SH3GL3: variants seen among roughly 807,000 people sequenced by gnomAD.
The protein encoded by SH3GL3 is endophilin-A3.
SH3GL3 carries 33 observed loss-of-function variants against 47.7 expected under a neutral mutation model. The observed-to-expected ratio is 0.69, with a 90% CI of 0.52 to 0.92. The LOEUF (loss-of-function observed/expected upper bound fraction) is 0.92. Ranked by LOEUF, SH3GL3 falls within the 40% of genes least tolerant of loss-of-function variation. SH3GL3 has a pLI of 0.00. For missense variants in SH3GL3, 363 were observed against 417.8 expected, an observed-to-expected ratio of 0.87 and a Z score of 1.14; for synonymous variants, 155 against 148.8, an observed-to-expected ratio of 1.04 and a Z score of -0.30.
intron 2 of SH3GL3, among the ~76,000 whole-genome samples, chr15:83,562,210 A>G (rs974478231): frequency 3.9e-5 from 6 of 151,996 alleles, no homozygotes; most frequent in African/African-American, 1.5e-4. Context: ...TTACTCTTCA[A>G]TTTGTAAAGG....
chr15:83,630,669 C>T, the SH3GL3 span, among the ~76,000 whole-genome samples: 1 of 152,124 alleles, frequency 6.6e-6, no homozygotes, highest in African/African-American at 2.4e-5. Context: ...CCTGTGAGAA[C>T]TCACCATCAT....
intron 6 of SH3GL3, 49 bp from the exon 7 acceptor site, chr15:83,586,934 A>G (rs1397223121): frequency 1.0e-6 from 1 of 995,214 alleles, no homozygotes; most frequent in African/African-American, 1.6e-5. Context: ...CTCTCTGGAC[A>G]TTACACAGGC....
chr15:83,595,824 G>C (rs1370402088), intron 8 of SH3GL3, among the ~76,000 whole-genome samples: 19 of 152,036 alleles, frequency 1.2e-4, no homozygotes, highest in Admixed American at 1.2e-3. Flanking sequence ...AAGATATATA[G>C]AATTTGTAGT....
At chr15:83,479,190 A>G (rs1182690457) in intron 1 of SH3GL3, among the ~76,000 whole-genome samples, 1 of 152,226 alleles carries the variant, frequency 6.6e-6, no homozygotes, top group South Asian at 2.1e-4. Flanking sequence ...TGAAGGGGGA[A>G]TCCCCTGTTG....
chr15:83,466,807 GTTGAATAGCT>G (rs749318738), intron 1 of SH3GL3, among the ~76,000 whole-genome samples: 2 of 152,182 alleles, frequency 1.3e-5, no homozygotes, highest in Non-Finnish European at 2.9e-5. Flanking sequence ...TGCTTGTGAT[GTTGAATAGCT>G]TTGCATATGC....
At chr15:83,450,576 A>C (rs756735273) in intron 1 of SH3GL3, among the ~76,000 whole-genome samples, 1 of 152,132 alleles carries the variant, frequency 6.6e-6, no homozygotes, top group Non-Finnish European at 1.5e-5. Context: ...GGGATTATGC[A>C]TCATTTTGGC....
At chr15:83,556,202 CA>C (rs57872545) in intron 1 of SH3GL3, among the ~76,000 whole-genome samples, 5,091 of 152,270 alleles carry the variant, frequency 0.033, 280 homozygotes, top group African/African-American at 0.12. Context: ...CTTTCTATCC[CA>C]AGTACCAGTC....
At chr15:83,450,568 G>A (rs1374596970) in intron 1 of SH3GL3, among the ~76,000 whole-genome samples, 1 of 152,004 alleles carries the variant, frequency 6.6e-6, no homozygotes, top group African/African-American at 2.4e-5. Context: ...AAACCCTGGG[G>A]ATTATGCATC....
At chr15:83,586,431 T>G (rs1044756978) in intron 6 of SH3GL3, among the ~76,000 whole-genome samples, 4 of 152,200 alleles carry the variant, frequency 2.6e-5, no homozygotes, top group African/African-American at 9.7e-5. Flanking sequence ...AGGGAAAATA[T>G]GTTGAGTGGA....
intron 1 of SH3GL3, among the ~76,000 whole-genome samples, chr15:83,466,835 C>G (rs1439035019): frequency 3.3e-5 from 5 of 152,168 alleles, no homozygotes; most frequent in Non-Finnish European, 7.3e-5. Context: ...TGCTTATTGG[C>G]TTTAAGTATC....
At chr15:83,491,281 A>G (rs1196486016) in intron 1 of SH3GL3, among the ~76,000 whole-genome samples, 1 of 152,230 alleles carries the variant, frequency 6.6e-6, no homozygotes, top group Non-Finnish European at 1.5e-5. Flanking sequence ...AAATTAACCA[A>G]AATGCAATGA....
intron 1 of SH3GL3, among the ~76,000 whole-genome samples, chr15:83,547,948 T>C (rs2044485231): frequency 6.6e-6 from 1 of 152,008 alleles, no homozygotes; most frequent in Non-Finnish European, 1.5e-5. Flanking sequence ...TTGCCTTCTT[T>C]TGGATTAATC....
intron 1 of SH3GL3, among the ~76,000 whole-genome samples, chr15:83,513,130 G>A (rs972327574): frequency 6.6e-6 from 1 of 152,138 alleles, no homozygotes; most frequent in Non-Finnish European, 1.5e-5. Context: ...TGACTTTCCC[G>A]CCCTACCTTC....
At chr15:83,464,243 C>G (rs1288253716) in intron 1 of SH3GL3, among the ~76,000 whole-genome samples, 1 of 152,192 alleles carries the variant, frequency 6.6e-6, no homozygotes, top group East Asian at 1.9e-4. Context: ...ACAACACCTT[C>G]TGTACTTGCT....
chr15:83,551,320 C>G (rs538482834), intron 1 of SH3GL3, among the ~76,000 whole-genome samples: 2 of 152,120 alleles, frequency 1.3e-5, no homozygotes, highest in Admixed American at 1.3e-4. Flanking sequence ...GAAGAACACA[C>G]GAGCCACATT....
At chr15:83,627,300 G>A in the SH3GL3 span, among the ~76,000 whole-genome samples, 4 of 151,916 alleles carry the variant, frequency 2.6e-5, no homozygotes, top group Non-Finnish European at 2.9e-5. Flanking sequence ...GGGAGGCTGA[G>A]GCCGGAGAAT....
rs142326871 is a variant in SH3GL3, at chr15:83,498,019, G to C, written c.45+50441G>C. ...CGAGGAGTTTGCTCTTGGTCATCTAGTCTTTTCACTCAGTTGATGTTTTGT... is the reference window on the plus strand; with the variant it reads ...CGAGGAGTTTGCTCTTGGTCATCTACTCTTTTCACTCAGTTGATGTTTTGT... On this transcript the variant is annotated intron_variant, in intron 1 of 8. Transcript: ENST00000427482. Among the ~76,000 whole-genome samples the C allele has an allele frequency of 5.3e-5, 8 of 152,052 alleles. No individual in the cohort carries two copies. The East Asian group carries it at 1.3e-3, about 26-fold the overall frequency.
rs116744358 is a variant in SH3GL3, at chr15:83,470,427, G to A, written c.45+22849G>A. Among the ~76,000 whole-genome samples, 599 of 152,226 alleles carry A rather than the reference G, an allele frequency of 3.9e-3. 5 individuals are homozygous for A. Among genetic ancestry groups the A allele is most frequent in the African/African-American group, 0.014 (577 of 41,536 alleles). On this transcript the variant is annotated intron_variant, in intron 1 of 8. Coordinates refer to ENST00000427482, the MANE Select transcript of SH3GL3 (RefSeq NM_003027.5). ...TTTAGTAGAGATAGGGTTTTGCCACGTTGGCCAGGGGTTGGTCTCCAACTC... is the reference window on the plus strand; with the variant it reads ...TTTAGTAGAGATAGGGTTTTGCCACATTGGCCAGGGGTTGGTCTCCAACTC...
At chr15:83,480,129 C>T (rs925573692) in intron 1 of SH3GL3, among the ~76,000 whole-genome samples, 3 of 151,852 alleles carry the variant, frequency 2.0e-5, no homozygotes, top group East Asian at 1.9e-4. Flanking sequence ...AGATTATTTC[C>T]CCAATTTTTA....
Sources: gnomAD v4.1 joint callset for allele counts (sites outside exome capture counted in the v4.1 genomes callset) on GRCh38, gnomAD v4.1.1 for gene constraint, MANE v1.5 for transcripts, NCBI Gene and HGNC (gene_info 2026-07-23, HGNC 2026-07-21) for gene names.